The following TNFRSF8 variants were observed in gnomAD, a reference collection of about 807,000 sequenced individuals.
The protein encoded by TNFRSF8 is TNF receptor superfamily member 8.
Under a neutral mutation model 70.8 loss-of-function variants are expected in TNFRSF8, and 26 were observed. That is an observed-to-expected ratio of 0.37 (90% CI 0.27 to 0.51). TNFRSF8 has a LOEUF of 0.51. Ranked by LOEUF, TNFRSF8 falls within the 20% of genes least tolerant of loss-of-function variation. TNFRSF8 has a pLI of 0.94. For missense variants in TNFRSF8, 720 were observed against 807.9 expected (o/e 0.89, Z 1.32); for synonymous variants, 356 against 339.2 (o/e 1.05, Z -0.54).
intron 14 of TNFRSF8, among the ~76,000 whole-genome samples, chr1:12,140,978 G>C (rs1642242457): frequency 6.6e-6 from 1 of 152,122 alleles, no homozygotes. Flanking sequence ...GGGGAGTGCT[G>C]AGGCCCTGCT....
intron 2 of TNFRSF8, among the ~76,000 whole-genome samples, chr1:12,095,449 A>G (rs1265598967): frequency 1.3e-5 from 2 of 151,890 alleles, no homozygotes; most frequent in Non-Finnish European, 2.9e-5. Context: ...CACGACACCC[A>G]GCTAATTTTT....
At chr1:12,137,445 C>T (rs1337226522) in intron 13 of TNFRSF8, among the ~76,000 whole-genome samples, 1 of 152,130 alleles carries the variant, frequency 6.6e-6, no homozygotes, top group Non-Finnish European at 1.5e-5. Flanking sequence ...ACACTCACTC[C>T]ATTTTGAAGG....
intron 9 of TNFRSF8, 124 bp from the exon 10 acceptor site, chr1:12,123,591 T>C: frequency 1.0e-6 from 1 of 990,550 alleles, no homozygotes; most frequent in South Asian, 1.6e-5. Context: ...TGGCAGAGAC[T>C]CGGGGCAGAG....
chr1:12,100,917 A>G (rs1047811984), intron 3 of TNFRSF8, among the ~76,000 whole-genome samples: 4 of 151,160 alleles, frequency 2.6e-5, no homozygotes, highest in Admixed American at 1.3e-4. Flanking sequence ...AGATTGTGCT[A>G]CTGCACTCCA....
chr1:12,067,305 C>T (rs1640759420), intron 1 of TNFRSF8, among the ~76,000 whole-genome samples: 1 of 152,176 alleles, frequency 6.6e-6, no homozygotes, highest in Non-Finnish European at 1.5e-5. Flanking sequence ...GCCTTCCTCC[C>T]ACATCCATGT....
intron 12 of TNFRSF8, among the ~76,000 whole-genome samples, chr1:12,131,787 C>T (rs998170874): frequency 3.3e-5 from 5 of 152,008 alleles, no homozygotes. Context: ...AGCCACTGTG[C>T]CCAGCTAGTC....
At position 12,110,217 on chromosome 1, in the gene TNFRSF8, TG is replaced by T. The variant is rs773841921; in HGVS notation, c.676+14del. 5 of 1,569,232 alleles carry T rather than the reference TG, an allele frequency of 3.2e-6. No homozygotes were observed. The East Asian group carries it at 1.1e-4, about 35-fold the overall frequency. ...AGTTCAGATCCAGGTAATTTCCCCATGAAGCTGTGGGTCGTCTCCCTGGGGT... is the reference window on the plus strand; with the variant it reads ...AGTTCAGATCCAGGTAATTTCCCCATAAGCTGTGGGTCGTCTCCCTGGGGT... On this transcript the variant is annotated intron_variant, in intron 6 of 14. Transcript: ENST00000263932. This position sits in a 1 kb window ranked among gnomAD's most constrained non-coding sequence, Gnocchi z 4.0.
At chr1:12,086,215 C>T (rs748411092) in intron 2 of TNFRSF8, among the ~76,000 whole-genome samples, 3 of 152,096 alleles carry the variant, frequency 2.0e-5, no homozygotes, top group Admixed American at 6.6e-5. Context: ...AGACCAGGCT[C>T]GTGCTCAGGC....
In TNFRSF8 at chr1:12,063,641, G is replaced by T. The variant is rs1422302593; in HGVS notation, c.43G>T (p.Ala15Ser). Reference protein sequence around the residue: ...LAALGLLFLGALRAFPQDRPF... With the variant: ...LAALGLLFLGSLRAFPQDRPF... ...CGCGCTGGGACTGCTGTTCCTGGGG[G>T]CGCTACGAGCCTTCCCACAGGTAAG... Residue 15 changes from alanine (A) to serine (S), a missense_variant, in exon 1 of 15, where the codon GCG (alanine) becomes TCG (serine). Ala to Ser is a moderately conservative substitution (Grantham distance 99, BLOSUM62 1). Coordinates refer to ENST00000263932, the MANE Select transcript of TNFRSF8 (RefSeq NM_001243.5). The surrounding 1 kb of genome is among the most constrained non-coding windows in gnomAD (Gnocchi z 7.2). 13 of 1,287,298 alleles carry T rather than the reference G, an allele frequency of 1.0e-5. No homozygotes were observed. The highest frequency in any genetic ancestry group is 3.1e-5 in the East Asian group (1 of 31,822). 79.7% of individuals were successfully genotyped at this position (1,287,298 alleles called of 1,614,324 possible). A position where few individuals can be genotyped will look rare whatever the true frequency, so the allele number is the denominator to read the frequency against.
intron 10 of TNFRSF8, among the ~76,000 whole-genome samples, chr1:12,124,790 G>A (rs529365915): frequency 2.6e-5 from 4 of 150,966 alleles, no homozygotes; most frequent in African/African-American, 7.2e-5. Flanking sequence ...AGATTGCACC[G>A]CTGCACTCCA....
chr1:12,081,413 C>A (rs1306423369), intron 1 of TNFRSF8, among the ~76,000 whole-genome samples: 2 of 152,140 alleles, frequency 1.3e-5, no homozygotes, highest in African/African-American at 4.8e-5. Flanking sequence ...CAGTGAGATG[C>A]TGTGGGTTAG....
intron 2 of TNFRSF8, among the ~76,000 whole-genome samples, chr1:12,094,191 C>T (rs778098537): frequency 2.6e-5 from 4 of 151,824 alleles, no homozygotes; most frequent in Non-Finnish European, 5.9e-5. Context: ...ATTGAGCTCA[C>T]AAATAAATGT....
intron 6 of TNFRSF8, 59 bp from the exon 7 acceptor site, chr1:12,111,838 TG>T: frequency 7.1e-7 from 1 of 1,412,122 alleles, no homozygotes; most frequent in Non-Finnish European, 1.0e-6. Flanking sequence ...CAGGGTTGGG[TG>T]GGGAGTGAGG....
intron 1 of TNFRSF8, among the ~76,000 whole-genome samples, chr1:12,068,218 G>C (rs1025048163): frequency 2.0e-5 from 3 of 152,124 alleles, no homozygotes; most frequent in African/African-American, 7.2e-5. Context: ...ACTGTGTCTG[G>C]CCCGGGGGAG....
At chr1:12,096,574 T>C (rs961839607) in intron 2 of TNFRSF8, among the ~76,000 whole-genome samples, 4 of 152,184 alleles carry the variant, frequency 2.6e-5, no homozygotes, top group African/African-American at 9.7e-5. Flanking sequence ...TTTCATGGTC[T>C]AAAGTTATGG....
intron 8 of TNFRSF8, among the ~76,000 whole-genome samples, 159 bp from the exon 9 acceptor site, chr1:12,123,125 G>A (rs1289135254): frequency 6.6e-6 from 1 of 152,208 alleles, no homozygotes; most frequent in Non-Finnish European, 1.5e-5. Context: ...CAATGTGCCT[G>A]GCCAGCTTTT....
chr1:12,138,685 A>G lies in TNFRSF8; in HGVS notation c.1543+249A>G, dbSNP rs1168958428. Among the ~76,000 whole-genome samples the G allele has an allele frequency of 1.3e-5, 2 of 152,116 alleles. No homozygotes were observed. The highest frequency in any genetic ancestry group is 2.9e-5 in the Non-Finnish European group (2 of 68,020). On this transcript the variant is annotated intron_variant, in intron 14 of 14. Transcript: ENST00000263932. The surrounding 1 kb of genome is among the most constrained non-coding windows in gnomAD (Gnocchi z 5.7). ...GCCTGCTGTTACTCATAAAAAACGA[A>G]CACCACCCCAGCCCCCAACACCGAG...
intron 1 of TNFRSF8, among the ~76,000 whole-genome samples, chr1:12,069,415 A>G (rs1465245602): frequency 6.6e-6 from 1 of 151,262 alleles, no homozygotes; most frequent in African/African-American, 2.4e-5. Context: ...CTGACCTCAG[A>G]CGAGCCCCCC....
rs776808102 is a variant in TNFRSF8, at chr1:12,109,510, C to T, written c.422-56C>T. On this transcript the variant is annotated intron_variant, in intron 4 of 14. Coordinates refer to ENST00000263932, the MANE Select transcript of TNFRSF8 (RefSeq NM_001243.5). This position sits in a 1 kb window ranked among gnomAD's most constrained non-coding sequence, Gnocchi z 4.4. The stretch of plus-strand genomic sequence containing the variant: ...GCCTGTGGTAGTGAAGGGTGTATTC[C>T]GGGAGACTTTGGGTCCCCAACACTG... The T allele has an allele frequency of 8.3e-5, 121 of 1,456,106 alleles. 1 individual carries two copies. In the South Asian group the frequency reaches 1.2e-3, roughly 14 times the overall value. The allele number at this position is 1,456,106 out of a possible 1,614,324, so 90.2% of individuals were successfully genotyped here.
Sources: gnomAD v4.1 joint callset for allele counts (sites outside exome capture counted in the v4.1 genomes callset) on GRCh38, gnomAD v4.1.1 for gene constraint, Gnocchi (gnomAD v3.1) non-coding constraint, MANE v1.5 for transcripts, NCBI Gene and HGNC (gene_info 2026-07-23, HGNC 2026-07-21) for gene names.